Variants in NLRP7 observed in about 807,000 individuals in gnomAD.
NLRP7 encodes the protein NACHT, LRR and PYD domains-containing protein 7.
NLRP7 carries 72 observed loss-of-function variants against 85.5 expected under a neutral mutation model. That is an observed-to-expected ratio of 0.84 (90% CI 0.70 to 1.02). The LOEUF is 1.02. Among genes scored for constraint, NLRP7 ranks in the 50% least tolerant of loss-of-function variants. The pLI is 0.00. For synonymous variants in NLRP7, 550 were observed against 505.2 expected, an observed-to-expected ratio of 1.09 and a Z score of -1.19; for missense variants, 1,243 against 1,219.5, an observed-to-expected ratio of 1.02 and a Z score of -0.29.
intron 8 of NLRP7, among the ~76,000 whole-genome samples, chr19:54,933,211 T>G (rs149604860): frequency 2.0e-5 from 3 of 152,272 alleles, no homozygotes; most frequent in African/African-American, 4.8e-5. Flanking sequence ...AGTGGTGCGA[T>G]CTCGGCTCAC....
At chr19:54,937,035 G>A (rs777218054) in intron 5 of NLRP7, among the ~76,000 whole-genome samples, 6 of 151,642 alleles carry the variant, frequency 4.0e-5, no homozygotes, top group South Asian at 2.1e-4. Context: ...TGGCTAACAC[G>A]GTGAAACCCC....
At position 54,934,611 on chromosome 19, in the gene NLRP7, A is replaced by G. The variant is rs1380214475; in HGVS notation, c.2349T>C (p.Tyr783=). ...TCAGGGACTGGTTGGCTTTGAGGAC[A>G]TAGAAGAATTCAGCCCACTGCTCCG... Residue 783 remains tyrosine, a synonymous_variant, in exon 7 of 10, where the codon TAT becomes TAC. Transcript: ENST00000340844. The surrounding 1 kb of genome is among the most constrained non-coding windows in gnomAD (Gnocchi z 6.7). 1.9e-6 allele frequency: 3 copies of G among 1,613,992 alleles called. No individual in the cohort carries two copies. Among genetic ancestry groups the G allele is most frequent in the Non-Finnish European group, 2.5e-6 (3 of 1,179,992 alleles).
exon 4 of NLRP7, chr19:54,939,630 A>T: frequency 6.2e-7 from 1 of 1,610,944 alleles, no homozygotes; most frequent in South Asian, 1.1e-5. Context: ...CTGCAGAGGA[A>T]ACGCAGGAAC....
At position 54,932,653 on chromosome 19, in the gene NLRP7, G is replaced by GT. The variant is rs535425008; in HGVS notation, c.2642+915dup. Among the ~76,000 whole-genome samples, 92 of 151,080 alleles carry GT rather than the reference G, an allele frequency of 6.1e-4. 1 individual carries two copies. In the South Asian group the frequency reaches 0.015, roughly 24 times the overall value. ...TTTTACAAATAAGGATTTTTGTTGA[G>GT]TTTTTTTTTGTTTTTTTCTTGAGAC... On this transcript the variant is annotated intron_variant, in intron 8 of 9. Coordinates refer to ENST00000340844, the Ensembl canonical transcript of NLRP7.
chr19:54,955,310 C>T (rs1402891331), intron 1 of NLRP7, among the ~76,000 whole-genome samples: 1 of 151,922 alleles, frequency 6.6e-6, no homozygotes, highest in Admixed American at 6.6e-5. Flanking sequence ...GCCTGGGCAA[C>T]AAGAGTGAAA....
chr19:54,956,317 C>CT (rs776570077), intron 1 of NLRP7, among the ~76,000 whole-genome samples: 49 of 152,248 alleles, frequency 3.2e-4, no homozygotes, highest in South Asian at 1.5e-3. Context: ...GGACACCCAG[C>CT]TGGTCTCTGC....
Position 54,934,412 on chromosome 19 carries a change from A to C in NLRP7, c.2471+77T>G. 4 of 1,468,890 alleles carry C rather than the reference A, an allele frequency of 2.7e-6. No homozygotes were observed. Among genetic ancestry groups the C allele is most frequent in the East Asian group, 2.3e-5 (1 of 44,174 alleles). The allele number at this position is 1,468,890 out of a possible 1,614,324, so 91.0% of individuals were successfully genotyped here. On this transcript the variant is annotated intron_variant, in intron 7 of 9. Coordinates refer to ENST00000340844, the Ensembl canonical transcript of NLRP7. This position sits in a 1 kb window ranked among gnomAD's most constrained non-coding sequence, Gnocchi z 6.7. Reference sequence around the variant, plus strand: ...GCAAGAGGCGCCACGTGGGTGGCGCAGTAAGTCAGGTGTTACCCTTTCTCT... The same window carrying C: ...GCAAGAGGCGCCACGTGGGTGGCGCCGTAAGTCAGGTGTTACCCTTTCTCT...
At chr19:54,944,543 C>T (rs536263732) in intron 1 of NLRP7, among the ~76,000 whole-genome samples, 23 of 152,074 alleles carry the variant, frequency 1.5e-4, no homozygotes, top group East Asian at 1.2e-3. Flanking sequence ...CCGGCCGGCG[C>T]GGGTCTCCTG....
At chr19:54,941,091 T>C in intron 2 of NLRP7, 86 bp from the exon 3 acceptor site, 1 of 1,001,168 alleles carries the variant, frequency 1.0e-6, no homozygotes, top group Non-Finnish European at 1.6e-6. Context: ...CAGCCAGGCA[T>C]GGTGGCTCAT....
rs2068937328 is a variant in NLRP7, at chr19:54,936,539, T to C, written c.2130-108A>G. 3 of 1,009,076 alleles carry C rather than the reference T, an allele frequency of 3.0e-6. No homozygotes were observed. In the East Asian group the frequency reaches 7.2e-5, roughly 24 times the overall value. 62.5% of individuals were successfully genotyped at this position (1,009,076 alleles called of 1,614,324 possible). A position where few individuals can be genotyped will look rare whatever the true frequency, so the allele number is the denominator to read the frequency against. On this transcript the variant is annotated intron_variant, in intron 5 of 9. Transcript: ENST00000340844. ...ACATTTAGAAATTATTAGAAGTTCT[T>C]GGCCGGGTGCAGTGGCTCGTGTCTG... is the stretch of plus-strand genomic sequence containing the variant.
intron 1 of NLRP7, among the ~76,000 whole-genome samples, chr19:54,957,997 C>T (rs941462973): frequency 7.2e-5 from 11 of 151,982 alleles, no homozygotes; most frequent in Non-Finnish European, 1.6e-4. Context: ...GGGTGGATCA[C>T]CTGAGGTCAG....
chr19:54,964,342 G>A (rs1030991466), intron 1 of NLRP7, among the ~76,000 whole-genome samples: 14 of 143,390 alleles, frequency 9.8e-5, no homozygotes, highest in Admixed American at 1.4e-4. Context: ...TCAGCCTCCC[G>A]AGTAGCTGGG....
At chr19:54,953,818 C>A (rs1275252772) in intron 1 of NLRP7, among the ~76,000 whole-genome samples, 3 of 150,368 alleles carry the variant, frequency 2.0e-5, no homozygotes, top group African/African-American at 7.4e-5. Context: ...CTGGCTAACA[C>A]GGTGAAACCA....
intron 1 of NLRP7, among the ~76,000 whole-genome samples, chr19:54,961,206 C>A (rs2070030258): frequency 6.6e-6 from 1 of 151,662 alleles, no homozygotes. Flanking sequence ...GACCCAGTCT[C>A]TAGTTAAAAA....
intron 1 of NLRP7, among the ~76,000 whole-genome samples, chr19:54,946,037 C>T (rs868317392): frequency 2.2e-4 from 33 of 151,882 alleles, no homozygotes; most frequent in Admixed American, 1.5e-3. Context: ...GTGATCCGCC[C>T]GCCTCGGCCT....
At chr19:54,962,177 A>T (rs1032413871) in intron 1 of NLRP7, among the ~76,000 whole-genome samples, 3 of 146,288 alleles carry the variant, frequency 2.1e-5, no homozygotes, top group Non-Finnish European at 3.0e-5. Context: ...AAAAAAAAAA[A>T]GAAAAAATGA....
chr19:54,951,093 A>T (rs2069652929), upstream of NLRP7, among the ~76,000 whole-genome samples: 1 of 152,206 alleles, frequency 6.6e-6, no homozygotes, highest in Admixed American at 6.6e-5. Context: ...GACACAGCAC[A>T]TGTTTCAGAG....
upstream of NLRP7, among the ~76,000 whole-genome samples, chr19:54,950,812 G>C (rs899112129): frequency 1.3e-5 from 2 of 152,148 alleles, no homozygotes; most frequent in Admixed American, 1.3e-4. Flanking sequence ...TTACTAATCC[G>C]CCTCAGCACA....
intron 6 of NLRP7, among the ~76,000 whole-genome samples, chr19:54,936,039 C>T (rs1331456093): frequency 6.6e-6 from 1 of 152,108 alleles, no homozygotes; most frequent in Non-Finnish European, 1.5e-5. Flanking sequence ...GAACCCAGCA[C>T]AGAATTCGGG....
Sources: gnomAD v4.1 joint callset for allele counts (sites outside exome capture counted in the v4.1 genomes callset) on GRCh38, gnomAD v4.1.1 for gene constraint, Gnocchi (gnomAD v3.1) non-coding constraint, MANE v1.5 for transcripts, NCBI Gene and HGNC (gene_info 2026-07-23, HGNC 2026-07-21) for gene names.